The following SFMBT2 variants were observed in gnomAD, a reference collection of about 807,000 sequenced individuals.
SFMBT2 encodes Scm like with four mbt domains 2.
Under a neutral mutation model 110.1 loss-of-function variants are expected in SFMBT2, and 38 were observed. The ratio of observed to expected loss-of-function variants is 0.35; its 90% CI spans 0.27 to 0.45. SFMBT2 has a LOEUF of 0.45. SFMBT2 is among the 20% of genes least tolerant of loss of function. The pLI is 1.00. For synonymous variants in SFMBT2, 425 were observed against 425.4 expected, an observed-to-expected ratio of 1.00 and a Z score of 0.01; for missense variants, 1,011 against 1,094.9, an observed-to-expected ratio of 0.92 and a Z score of 1.08.
chr10:7,405,800 C>A (rs1846192581), intron 1 of SFMBT2, among the ~76,000 whole-genome samples: 1 of 151,650 alleles, frequency 6.6e-6, no homozygotes, highest in African/African-American at 2.4e-5. Flanking sequence ...AGAACCATGT[C>A]CACCTACACA....
chr10:7,376,475 G>A (rs369147328), intron 2 of SFMBT2, among the ~76,000 whole-genome samples: 7 of 151,724 alleles, frequency 4.6e-5, no homozygotes, highest in East Asian at 1.9e-4. Flanking sequence ...TGAGGTGGGC[G>A]GATCACGAGG....
chr10:7,270,758 T>G (rs1314889802), intron 7 of SFMBT2, among the ~76,000 whole-genome samples: 1 of 152,100 alleles, frequency 6.6e-6, no homozygotes, highest in East Asian at 1.9e-4. Flanking sequence ...GAAATTAAAG[T>G]GAGGGAAGAA....
intron 4 of SFMBT2, among the ~76,000 whole-genome samples, chr10:7,346,214 C>A (rs903012394): frequency 6.6e-6 from 1 of 152,170 alleles, no homozygotes; most frequent in South Asian, 2.1e-4. Flanking sequence ...TGAATCGAAA[C>A]ATTTTAATCA....
chr10:7,323,450 C>CAA (rs1388420156), intron 4 of SFMBT2, among the ~76,000 whole-genome samples: 51 of 22,622 alleles, frequency 2.3e-3, no homozygotes, highest in African/African-American at 5.5e-3. Context: ...GACTCCATCT[C>CAA]AAAAAAAAAA....
chr10:7,277,539 T>G, intron 6 of SFMBT2: 1 of 194,118 alleles, frequency 5.2e-6, no homozygotes, highest in Non-Finnish European at 9.4e-6. Context: ...CTTGAAATGT[T>G]GCTTAACACA....
In SFMBT2 at chr10:7,163,926, G is replaced by A; in HGVS notation, c.2545-16C>T. On this transcript the variant is annotated splice_polypyrimidine_tract_variant and intron_variant, in intron 20 of 20. Transcript: ENST00000397167. This position sits in a 1 kb window ranked among gnomAD's most constrained non-coding sequence, Gnocchi z 4.8. ...CGTCAATATCCTGCAGGAAAAGAAAGGCAGGTTAGAGAAGGGGCAGTGTGC... is the reference window on the plus strand; with the variant it reads ...CGTCAATATCCTGCAGGAAAAGAAAAGCAGGTTAGAGAAGGGGCAGTGTGC... The A allele has an allele frequency of 1.2e-6, 2 of 1,610,390 alleles. No homozygotes were observed. Among genetic ancestry groups the A allele is most frequent in the Non-Finnish European group, 1.7e-6 (2 of 1,178,024 alleles).
chr10:7,309,546 A>G (rs997187718), intron 4 of SFMBT2, among the ~76,000 whole-genome samples: 2 of 152,160 alleles, frequency 1.3e-5, no homozygotes, highest in African/African-American at 4.8e-5. Context: ...ACGGGGGTGT[A>G]TAGGAAAAGC....
intron 8 of SFMBT2, among the ~76,000 whole-genome samples, chr10:7,247,553 T>C (rs1020443096): frequency 6.6e-5 from 10 of 152,224 alleles, no homozygotes; most frequent in African/African-American, 1.4e-4. Flanking sequence ...CACTACTAAA[T>C]TCCTCAAGTG....
At chr10:7,409,722 G>C (rs903559124) in intron 1 of SFMBT2, among the ~76,000 whole-genome samples, 6 of 151,784 alleles carry the variant, frequency 4.0e-5, no homozygotes, top group African/African-American at 7.3e-5. Context: ...TAGCCAAAGA[G>C]AGTCGAAACT....
rs937724790 is a variant in SFMBT2 at position 7,161,747 on chromosome 10, T to A, written c.*2023A>T. ...TCATCCATAAAATATGTGTTTTCCATTCTCATCTGTAACCATTACAGAATG... is the reference window on the plus strand; with the variant it reads ...TCATCCATAAAATATGTGTTTTCCAATCTCATCTGTAACCATTACAGAATG... On this transcript the variant is annotated 3_prime_UTR_variant, in exon 21 of 21. Coordinates refer to ENST00000397167, the MANE Select transcript of SFMBT2 (RefSeq NM_001387889.1). 3 of 152,222 alleles carry A rather than the reference T, an allele frequency of 2.0e-5. No individual in the cohort carries two copies. Among genetic ancestry groups the A allele is most frequent in the African/African-American group, 7.2e-5 (3 of 41,456 alleles). 9.4% of individuals were successfully genotyped at this position (152,222 alleles called of 1,614,324 possible).
intron 12 of SFMBT2, 197 bp downstream of exon 12, chr10:7,205,618 A>G (rs1839103987): frequency 1.0e-6 from 1 of 985,474 alleles, no homozygotes; most frequent in Non-Finnish European, 1.2e-6. Flanking sequence ...CCTCACTGTT[A>G]AAGTTTGTCA....
chr10:7,197,738 T>A, intron 14 of SFMBT2, 51 bp from the exon 15 acceptor site: 2 of 1,597,076 alleles, frequency 1.3e-6, no homozygotes, highest in Non-Finnish European at 1.7e-6. Context: ...CCCCAGACCC[T>A]AGGGGACCCC....
chr10:7,373,784 G>GA (rs1211223459), intron 2 of SFMBT2, among the ~76,000 whole-genome samples: 1 of 152,190 alleles, frequency 6.6e-6, no homozygotes, highest in Non-Finnish European at 1.5e-5. Flanking sequence ...GCGAAGAGGA[G>GA]AAGAGTGGAC....
intron 4 of SFMBT2, among the ~76,000 whole-genome samples, chr10:7,358,913 GTATGCCCTGAAA>G (rs1461177472): frequency 6.6e-6 from 1 of 152,250 alleles, no homozygotes; most frequent in Non-Finnish European, 1.5e-5. Context: ...TAGAATGGAG[GTATGCCCTGAAA>G]TATGGAGCCA....
At chr10:7,328,326 C>T (rs1273910813) in intron 4 of SFMBT2, among the ~76,000 whole-genome samples, 1 of 152,076 alleles carries the variant, frequency 6.6e-6, no homozygotes, top group East Asian at 1.9e-4. Context: ...ATTTTTCCTT[C>T]CTGTTGAGTT....
chr10:7,341,176 G>C lies in SFMBT2; in HGVS notation c.436+26473C>G, dbSNP rs11255084. ...CCTAAGGCAATCAGTGAACTTCCTC[G>C]GGCCTCATGGCCATCCAAGCTCGTA... On this transcript the variant is annotated intron_variant, in intron 4 of 20. Transcript: ENST00000397167. Among the ~76,000 whole-genome samples, 240 of 152,086 alleles carry C rather than the reference G, an allele frequency of 1.6e-3. 4 individuals are homozygous for C. The highest frequency in any genetic ancestry group is 5.4e-3 in the African/African-American group (223 of 41,438).
intron 11 of SFMBT2, chr10:7,207,585 G>T (rs1839194498): frequency 1.0e-6 from 1 of 981,620 alleles, no homozygotes; most frequent in Admixed American, 6.2e-5. Context: ...AACCTGGTGA[G>T]CCCCATTACC....
At position 7,381,879 on chromosome 10, in the gene SFMBT2, G is replaced by T; in HGVS notation, c.20C>A (p.Ala7Asp). 1 of 1,610,854 alleles carries T rather than the reference G, an allele frequency of 6.2e-7. No individual in the cohort carries two copies. Among genetic ancestry groups the T allele is most frequent in the Non-Finnish European group, 8.5e-7 (1 of 1,177,862 alleles). The change falls in exon 2 of 21, where the codon GCT becomes GAT. Residue 7 changes from alanine (A) to aspartate (D), a missense_variant. Physicochemically the swap from Ala to Asp is moderately radical, Grantham distance 126. Coordinates refer to ENST00000397167, the MANE Select transcript of SFMBT2 (RefSeq NM_001387889.1). ...AGATGAAGGGTCTTGCATATTGGAA[G>T]CTGACAAAGTGCTCTCCATGCCTGA... The part of the protein sequence containing the change: MESTLS[A>D]SNMQDPSSSP...
intron 4 of SFMBT2, among the ~76,000 whole-genome samples, chr10:7,332,742 A>G (rs1843602060): frequency 1.3e-5 from 2 of 152,254 alleles, no homozygotes; most frequent in Admixed American, 1.3e-4. Flanking sequence ...ACACAAATAG[A>G]GAACCAGTCT....
Sources: allele counts gnomAD v4.1 joint callset (sites outside exome capture counted in the v4.1 genomes callset), GRCh38; gene constraint gnomAD v4.1.1; non-coding constraint Gnocchi (gnomAD v3.1); transcripts MANE v1.5; gene names NCBI Gene and HGNC (gene_info 2026-07-23, HGNC 2026-07-21).